Variants in SYT11 observed in about 807,000 individuals in gnomAD.
SYT11 encodes synaptotagmin 11.
Under a neutral mutation model 30.4 loss-of-function variants are expected in SYT11, and 12 were observed. That is an observed-to-expected ratio of 0.39 (90% CI 0.25 to 0.64). The LOEUF (loss-of-function observed/expected upper bound fraction) is 0.64, where lower values mean the gene tolerates loss of function less well. Ranked by LOEUF, SYT11 falls within the 30% of genes least tolerant of loss-of-function variation. The pLI, the probability that SYT11 is intolerant of heterozygous loss-of-function variation, is 0.45. For synonymous variants in SYT11, 204 were observed against 216.0 expected (o/e 0.94, Z 0.49); for missense variants, 412 against 552.0 (o/e 0.75, Z 2.54).
intron 1 of SYT11, among the ~76,000 whole-genome samples, chr1:155,865,103 C>T (rs1672648583): frequency 1.3e-5 from 2 of 152,082 alleles, no homozygotes; most frequent in Admixed American, 1.3e-4. Context: ...AGTTCTAGGA[C>T]GTGGAACTAT....
intron 2 of SYT11, among the ~76,000 whole-genome samples, chr1:155,877,649 G>A (rs968868480): frequency 4.0e-5 from 6 of 151,808 alleles, no homozygotes; most frequent in Non-Finnish European, 8.8e-5. Flanking sequence ...CGCCTCCCGG[G>A]TTCACGCCAT....
chr1:155,880,390 A>G, intron 2 of SYT11, 110 bp from the exon 3 acceptor site: 2 of 1,332,342 alleles, frequency 1.5e-6, no homozygotes, highest in Non-Finnish European at 2.0e-6. Flanking sequence ...CAAAAAACTT[A>G]TCATCCCTGC....
Position 155,868,216 on chromosome 1 carries a change from G to A in SYT11, c.286G>A (p.Val96Met), listed in dbSNP as rs1245597007. Residue 96 changes from valine (V) to methionine (M), a missense_variant, in exon 2 of 4, where the codon GTG becomes ATG. Transcript: ENST00000368324. The surrounding 1 kb of genome is among the most constrained non-coding windows in gnomAD (Gnocchi z 4.7). ...GREGGRRNLL[V>M]DAAEAGLLSR... ...GGAAGGTGGACGTAGGAACCTGTTG[G>A]TGGACGCAGCAGAGGCTGGCCTGCT... 7.4e-6 allele frequency: 12 copies of A among 1,614,048 alleles called. No individual in the cohort carries two copies. The highest frequency in any genetic ancestry group is 1.3e-5 in the African/African-American group (1 of 74,916).
At chr1:155,867,107 G>A (rs549654814) in intron 1 of SYT11, among the ~76,000 whole-genome samples, 7 of 151,462 alleles carry the variant, frequency 4.6e-5, no homozygotes, top group Non-Finnish European at 8.8e-5. Context: ...ACCCAGGCTG[G>A]AATGCAGTGG....
chr1:155,862,737 T>C (rs1271346732), intron 1 of SYT11, among the ~76,000 whole-genome samples: 4 of 152,350 alleles, frequency 2.6e-5, no homozygotes, highest in Non-Finnish European at 4.4e-5. Flanking sequence ...CTCTTTATGA[T>C]CATTCCAAAA....
At chr1:155,864,181 G>A (rs960065185) in intron 1 of SYT11, among the ~76,000 whole-genome samples, 1 of 152,064 alleles carries the variant, frequency 6.6e-6, no homozygotes, top group Non-Finnish European at 1.5e-5. Context: ...AGCCCAGGTG[G>A]TGGAGGTTGC....
chr1:155,873,072 C>T lies in SYT11; in HGVS notation c.861+4281C>T, dbSNP rs753659785. 5.7e-4 allele frequency among the ~76,000 whole-genome samples: 87 copies of T among 152,138 alleles called. 1 individual carries two copies. In the Middle Eastern group the frequency reaches 0.013, roughly 22 times the overall value. On this transcript the variant is annotated intron_variant, in intron 2 of 3. Transcript: ENST00000368324. Reference sequence around the variant, plus strand: ...GGATACAGAATTTTAAATAAGTAATCGGGAAACCTAAGCTATAATCTTGTC... The same window carrying T: ...GGATACAGAATTTTAAATAAGTAATTGGGAAACCTAAGCTATAATCTTGTC...
chr1:155,879,732 A>G (rs1672931090), intron 2 of SYT11, among the ~76,000 whole-genome samples: 1 of 152,214 alleles, frequency 6.6e-6, no homozygotes, highest in Non-Finnish European at 1.5e-5. Context: ...AAATGAGAGG[A>G]TGCACTTCTA....
Position 155,881,603 on chromosome 1 carries a change from T to G in SYT11, c.*95T>G. 8.1e-7 allele frequency: 1 copy of G among 1,236,130 alleles called. No homozygotes were observed. 76.6% of individuals were successfully genotyped at this position (1,236,130 alleles called of 1,614,324 possible). ...GAGAAGTGGACTCCAAACCTCATTT[T>G]AGTTGTAGAAGAAAATTTCTTACAA... On this transcript the variant is annotated 3_prime_UTR_variant, in exon 4 of 4. Coordinates refer to ENST00000368324, the MANE Select transcript of SYT11 (RefSeq NM_152280.5).
intron 2 of SYT11, among the ~76,000 whole-genome samples, chr1:155,876,063 G>C (rs1233500698): frequency 6.6e-6 from 1 of 152,012 alleles, no homozygotes; most frequent in African/African-American, 2.4e-5. Context: ...GGTGTGTGGT[G>C]TATATAAGGT....
At chr1:155,861,636 GA>G (rs1672592344) in intron 1 of SYT11, among the ~76,000 whole-genome samples, 1 of 152,160 alleles carries the variant, frequency 6.6e-6, no homozygotes, top group Admixed American at 6.5e-5. Flanking sequence ...TTTTGTTTTT[GA>G]GACGGAGTTT....
rs1672538155 is a variant in SYT11 at position 155,860,365 on chromosome 1, C to G, written c.34+570C>G. 1.3e-5 allele frequency among the ~76,000 whole-genome samples: 2 copies of G among 152,186 alleles called. No homozygotes were observed. The highest frequency in any genetic ancestry group is 6.5e-5 in the Admixed American group (1 of 15,278). ...ACTCCTTAAGCCGGTCAGCTGGATG[C>G]TGGGGCTAGGAGGAAACGTGAGCCC... is the stretch of plus-strand genomic sequence containing the variant. On this transcript the variant is annotated intron_variant, in intron 1 of 3. Coordinates refer to ENST00000368324, the MANE Select transcript of SYT11 (RefSeq NM_152280.5). This position sits in a 1 kb window ranked among gnomAD's most constrained non-coding sequence, Gnocchi z 4.1.
At chr1:155,880,925 T>C (rs1672950547) in intron 3 of SYT11, among the ~76,000 whole-genome samples, 1 of 152,210 alleles carries the variant, frequency 6.6e-6, no homozygotes, top group South Asian at 2.1e-4. Context: ...TGCCCTTTAA[T>C]ATACTTCTTG....
intron 2 of SYT11, among the ~76,000 whole-genome samples, chr1:155,869,639 C>T (rs1672751607): frequency 6.6e-6 from 1 of 152,002 alleles, no homozygotes; most frequent in Non-Finnish European, 1.5e-5. Flanking sequence ...CCTTCTAGGC[C>T]CAAACCTTTG....
At chr1:155,866,137 G>T (rs1375542433) in intron 1 of SYT11, among the ~76,000 whole-genome samples, 1 of 131,778 alleles carries the variant, frequency 7.6e-6, no homozygotes, top group South Asian at 2.5e-4. Context: ...TTTTGAGATG[G>T]GGTCTCGGTC....
At position 155,869,263 on chromosome 1, in the gene SYT11, C is replaced by CTTTTTT. The variant is rs767071892; in HGVS notation, c.861+491_861+496dup. Among the ~76,000 whole-genome samples, 123 of 83,876 alleles carry CTTTTTT rather than the reference C, an allele frequency of 1.5e-3. 3 individuals carry two copies. Among genetic ancestry groups the CTTTTTT allele is most frequent in the Middle Eastern group, 0.016 (1 of 62 alleles). The allele number at this position is 83,876 out of a possible 152,430, so 55.0% of individuals were successfully genotyped here. A position where few individuals can be genotyped will look rare whatever the true frequency, so the allele number is the denominator to read the frequency against. On this transcript the variant is annotated intron_variant, in intron 2 of 3. Transcript: ENST00000368324. The stretch of plus-strand genomic sequence containing the variant: ...GGTGTAAATGATACCATGTACATGT[C>CTTTTTT]TTTTTTTTTTTTTTTTTTTTTTTTG...
chr1:155,876,711 C>T (rs986230264), intron 2 of SYT11, among the ~76,000 whole-genome samples: 2 of 152,126 alleles, frequency 1.3e-5, no homozygotes, highest in Admixed American at 1.3e-4. Flanking sequence ...CATATTTTAC[C>T]TCCATGTCCA....
rs1673044581 is a variant in SYT11, at chr1:155,885,029, TAA to T, written c.*3523_*3524del. ...GTAAAAATGAAACTCAAAAATAAAA[TAA>T]ATGTGTCAAATTTTGAAAAAAAAAG... On this transcript the variant is annotated 3_prime_UTR_variant, in exon 4 of 4. Transcript: ENST00000368324. 6.6e-6 allele frequency: 1 copy of T among 152,422 alleles called. No individual in the cohort carries two copies. The highest frequency in any genetic ancestry group is 2.1e-4 in the South Asian group (1 of 4,812). 9.4% of individuals were successfully genotyped at this position (152,422 alleles called of 1,614,324 possible). A position where few individuals can be genotyped will look rare whatever the true frequency, so the allele number is the denominator to read the frequency against.
At chr1:155,863,158 T>C (rs1269313240) in intron 1 of SYT11, among the ~76,000 whole-genome samples, 1 of 152,186 alleles carries the variant, frequency 6.6e-6, no homozygotes. Flanking sequence ...TCCTTATCTA[T>C]ATTATTTTAA....
Sources: gnomAD v4.1 joint callset for allele counts (sites outside exome capture counted in the v4.1 genomes callset) on GRCh38, gnomAD v4.1.1 for gene constraint, Gnocchi (gnomAD v3.1) non-coding constraint, MANE v1.5 for transcripts, NCBI Gene and HGNC (gene_info 2026-07-23, HGNC 2026-07-21) for gene names.